DNAH14: variants seen among roughly 807,000 people sequenced by gnomAD.
DNAH14 encodes dynein axonemal heavy chain 14.
Under a neutral mutation model 520.9 loss-of-function variants are expected in DNAH14, and 478 were observed. That is an observed-to-expected ratio of 0.92 (90% CI 0.85 to 0.99). The LOEUF is 0.99. Among genes scored for constraint, DNAH14 ranks in the 50% least tolerant of loss-of-function variants. The pLI is 0.00. For missense variants in DNAH14, 4,831 were observed against 5,234.5 expected (o/e 0.92, Z 2.38); for synonymous variants, 1,581 against 1,757.2 (o/e 0.90, Z 2.51).
In DNAH14 at chr1:225,388,384, C is replaced by T. The variant is rs750977905; in HGVS notation, c.13083C>T (p.His4361=). 2.7e-5 allele frequency: 41 copies of T among 1,508,710 alleles called. No individual in the cohort carries two copies. The highest frequency in any genetic ancestry group is 5.5e-5 in the African/African-American group (4 of 72,430). 93.5% of individuals were successfully genotyped at this position (1,508,710 alleles called of 1,614,324 possible). A position where few individuals can be genotyped will look rare whatever the true frequency, so the allele number is the denominator to read the frequency against. Residue 4361 remains histidine, a synonymous_variant, in exon 82 of 86, where the codon CAC becomes CAT. Coordinates refer to ENST00000682510, the MANE Select transcript of DNAH14 (RefSeq NM_001367479.1). ...CTGTCTTTAAATCCCAACAGAAACA[C>T]GCCTACAGATCTTGTAAGCCACTGA... ...NMRVPTLWQK[H]AYRSCKPLSS...
intron 85 of DNAH14, 26 bp from the exon 86 acceptor site, chr1:225,399,028 C>G: frequency 7.2e-7 from 1 of 1,397,994 alleles, no homozygotes; most frequent in Non-Finnish European, 9.9e-7. Flanking sequence ...TGCAATTTGA[C>G]TACTGGATTT....
At chr1:225,390,388 A>G (rs1432532275) in intron 83 of DNAH14, among the ~76,000 whole-genome samples, 1 of 152,112 alleles carries the variant, frequency 6.6e-6, no homozygotes, top group Non-Finnish European at 1.5e-5. Flanking sequence ...GGGTGGAAAG[A>G]GAGTTGTAAA....
At chr1:225,362,390 C>A (rs908161710) in intron 75 of DNAH14, among the ~76,000 whole-genome samples, 1 of 152,110 alleles carries the variant, frequency 6.6e-6, no homozygotes, top group Non-Finnish European at 1.5e-5. Flanking sequence ...GCCTGGCCAA[C>A]ATGGTGAAAC....
intron 15 of DNAH14, among the ~76,000 whole-genome samples, chr1:225,047,934 T>A (rs1417110271): frequency 6.6e-6 from 1 of 152,216 alleles, no homozygotes; most frequent in Non-Finnish European, 1.5e-5. Flanking sequence ...TTAAAACTTA[T>A]ATAAAGTACA....
intron 21 of DNAH14, among the ~76,000 whole-genome samples, chr1:225,089,531 T>A (rs551428378): frequency 6.6e-6 from 1 of 151,164 alleles, no homozygotes; most frequent in Non-Finnish European, 1.5e-5. Context: ...TTTAAAAAAT[T>A]TTTAAAAACT....
intron 55 of DNAH14, 61 bp downstream of exon 55, chr1:225,290,143 C>G: frequency 8.5e-7 from 1 of 1,175,216 alleles, no homozygotes; most frequent in Non-Finnish European, 1.1e-6. Flanking sequence ...TACCCCCTCC[C>G]CAAAAATTTA....
chr1:225,377,228 A>C lies in DNAH14; in HGVS notation c.12517-9A>C. The C allele has an allele frequency of 7.3e-7, 1 of 1,370,096 alleles. No homozygotes were observed. The highest frequency in any genetic ancestry group is 9.5e-7 in the Non-Finnish European group (1 of 1,052,272). 84.9% of individuals were successfully genotyped at this position (1,370,096 alleles called of 1,614,324 possible). On this transcript the variant is annotated splice_polypyrimidine_tract_variant and intron_variant, in intron 78 of 85. Coordinates refer to ENST00000682510, the MANE Select transcript of DNAH14 (RefSeq NM_001367479.1). ...GAAGAAAAAAGCTAACAAAATGTTAAATTTTCAGATATGTCTGCCAGTTCC... is the reference window on the plus strand; with the variant it reads ...GAAGAAAAAAGCTAACAAAATGTTACATTTTCAGATATGTCTGCCAGTTCC...
Position 225,360,926 on chromosome 1 carries a change from T to C in DNAH14, c.11987+35T>C, listed in dbSNP as rs867537637. 5 of 1,531,530 alleles carry C rather than the reference T, an allele frequency of 3.3e-6. No homozygotes were observed. In the Middle Eastern group the frequency reaches 6.7e-4, roughly 206 times the overall value. 94.9% of individuals were successfully genotyped at this position (1,531,530 alleles called of 1,614,324 possible). ...TTACATTTATCTGTAAGGGATCAGA[T>C]TGGTTACCAAAACTATAAAGTAAAA... On this transcript the variant is annotated intron_variant, in intron 75 of 85. Coordinates refer to ENST00000682510, the MANE Select transcript of DNAH14 (RefSeq NM_001367479.1).
chr1:225,065,439 CAA>C (rs1342470208), intron 17 of DNAH14, among the ~76,000 whole-genome samples: 1 of 143,938 alleles, frequency 6.9e-6, no homozygotes, highest in African/African-American at 2.5e-5. Context: ...CAATGCATCT[CAA>C]AAAAAAAAAC....
At chr1:225,045,180 G>A (rs1483101590) in intron 15 of DNAH14, among the ~76,000 whole-genome samples, 1 of 150,998 alleles carries the variant, frequency 6.6e-6, no homozygotes, top group Non-Finnish European at 1.5e-5. Flanking sequence ...TTTCCCTTTG[G>A]ATTTTTTGTT....
chr1:224,931,790 CT>C, intron 1 of DNAH14, among the ~76,000 whole-genome samples: 1 of 152,184 alleles, frequency 6.6e-6, no homozygotes, highest in Middle Eastern at 3.4e-3. Flanking sequence ...TGATTTCATT[CT>C]TTTTTATGGC....
At chr1:224,986,282 G>A (rs1722) in intron 8 of DNAH14, among the ~76,000 whole-genome samples, 4,109 of 136,898 alleles carry the variant, frequency 0.03, 86 homozygotes, top group Non-Finnish European at 0.044. Flanking sequence ...TATGAGGACA[G>A]TATTACCCTG....
intron 17 of DNAH14, among the ~76,000 whole-genome samples, chr1:225,077,295 A>G (rs79876020): frequency 1.3e-5 from 2 of 152,260 alleles, no homozygotes; most frequent in East Asian, 1.9e-4. Context: ...ACAAGCTTAC[A>G]TATTATTTTT....
intron 21 of DNAH14, among the ~76,000 whole-genome samples, chr1:225,090,177 A>G (rs1395854021): frequency 6.6e-6 from 1 of 152,160 alleles, no homozygotes; most frequent in Non-Finnish European, 1.5e-5. Context: ...TAAAAATAAG[A>G]TATATAAACC....
chr1:225,050,387 A>G lies in DNAH14; in HGVS notation c.2079+11A>G. 6.6e-7 allele frequency: 1 copy of G among 1,524,376 alleles called. No individual in the cohort carries two copies. Among genetic ancestry groups the G allele is most frequent in the Non-Finnish European group, 8.8e-7 (1 of 1,139,354 alleles). The allele number at this position is 1,524,376 out of a possible 1,614,324, so 94.4% of individuals were successfully genotyped here. On this transcript the variant is annotated intron_variant, in intron 16 of 85. Coordinates refer to ENST00000682510, the MANE Select transcript of DNAH14 (RefSeq NM_001367479.1). ...GCCTACCAAAATATAGTAAGTTTTAAAACAGTTCATTTTAGGAAATGTTTA... is the reference window on the plus strand; with the variant it reads ...GCCTACCAAAATATAGTAAGTTTTAGAACAGTTCATTTTAGGAAATGTTTA...
rs1344008648 is a variant in DNAH14 at position 225,307,535 on chromosome 1, T to G, written c.9080T>G (p.Leu3027Trp). The part of the protein sequence containing the change: ...TLVTEMQEEL[L>W]ILGPQVEQKT... Reference sequence around the variant, plus strand: ...GTTACAGAAATGCAAGAAGAGCTCTTGATTCTTGGCCCTCAAGTAGAACAA... The same window carrying G: ...GTTACAGAAATGCAAGAAGAGCTCTGGATTCTTGGCCCTCAAGTAGAACAA... Residue 3027 changes from leucine (L) to tryptophan (W), a missense_variant, in exon 59 of 86, where the codon TTG becomes TGG. Leu to Trp is a moderately conservative substitution (Grantham distance 61, BLOSUM62 -2). Transcript: ENST00000682510. The G allele has an allele frequency of 3.2e-6, 5 of 1,547,290 alleles. No homozygotes were observed. In the South Asian group the frequency reaches 6.0e-5, roughly 19 times the overall value.
chr1:225,140,949 T>C lies in DNAH14; in HGVS notation c.4436T>C (p.Val1479Ala). ...CTAGGGGCATTGCTTATCCTTTATG[T>C]TCACTGCAGAGATATAGTGATAAAT... ...AILGALLILY[V>A]HCRDIVINLL... The change falls in exon 28 of 86, where the codon GTT (valine) becomes GCT (alanine). Residue 1479 changes from valine (V) to alanine (A), a missense_variant. Coordinates refer to ENST00000682510, the MANE Select transcript of DNAH14 (RefSeq NM_001367479.1). The C allele has an allele frequency of 6.4e-7, 1 of 1,551,430 alleles. No homozygotes were observed. Among genetic ancestry groups the C allele is most frequent in the East Asian group, 2.4e-5 (1 of 40,882 alleles).
chr1:225,174,198 A>G (rs1287305267), intron 36 of DNAH14, among the ~76,000 whole-genome samples: 4 of 152,182 alleles, frequency 2.6e-5, no homozygotes, highest in Non-Finnish European at 5.9e-5. Flanking sequence ...CCAACATGGC[A>G]CATGTATACT....
At chr1:224,963,157 T>C (rs942361261) in intron 4 of DNAH14, among the ~76,000 whole-genome samples, 1 of 152,132 alleles carries the variant, frequency 6.6e-6, no homozygotes, top group Non-Finnish European at 1.5e-5. Flanking sequence ...TAAGAATTCT[T>C]GAAATATTTG....
Sources: gnomAD v4.1 joint callset for allele counts (sites outside exome capture counted in the v4.1 genomes callset) on GRCh38, gnomAD v4.1.1 for gene constraint, MANE v1.5 for transcripts, NCBI Gene and HGNC (gene_info 2026-07-23, HGNC 2026-07-21) for gene names.